Variants in DYNC2H1 observed in about 807,000 individuals in gnomAD.
DYNC2H1 encodes the protein dynein cytoplasmic 2 heavy chain 1, also known as cytoplasmic dynein 2 heavy chain 1.
A neutral mutation model predicts 570.0 loss-of-function variants in DYNC2H1; 410 were observed. That is an observed-to-expected ratio of 0.72 (90% CI 0.66 to 0.78). DYNC2H1 has a LOEUF of 0.78. Ranked by LOEUF, DYNC2H1 falls within the 30% of genes least tolerant of loss-of-function variation. DYNC2H1 has a pLI of 0.00. For synonymous variants in DYNC2H1, 1,688 were observed against 1,677.6 expected (o/e 1.01, Z -0.15); for missense variants, 4,865 against 5,046.4 (o/e 0.96, Z 1.09).
chr11:103,303,398 A>T, intron 76 of DYNC2H1, 145 bp downstream of exon 76: 1 of 823,116 alleles, frequency 1.2e-6, no homozygotes, highest in Non-Finnish European at 1.7e-6. Context: ...AACTGTGGAT[A>T]TGTTATTTTC....
At chr11:103,220,507 GA>G (rs1863545371) in intron 56 of DYNC2H1, 115 bp from the exon 57 acceptor site, 20 of 986,254 alleles carry the variant, frequency 2.0e-5, no homozygotes, top group Non-Finnish European at 2.7e-5. Context: ...TTAAGAGAGA[GA>G]ACATTAGTAA....
chr11:103,413,200 C>T (rs1257061201), intron 84 of DYNC2H1, among the ~76,000 whole-genome samples: 3 of 152,220 alleles, frequency 2.0e-5, no homozygotes, highest in African/African-American at 7.2e-5. Context: ...TGACTACATC[C>T]ACCATGGATC....
Position 103,120,433 on chromosome 11 carries a change from A to C in DYNC2H1, c.1000-14A>C. The stretch of plus-strand genomic sequence containing the variant: ...GATTTAAATAAATTCTGTTGTTTTA[A>C]TACTTCATTTTAGGTCTTGGCTATT... On this transcript the variant is annotated splice_polypyrimidine_tract_variant and intron_variant, in intron 6 of 88. Transcript: ENST00000375735. 2 of 1,594,850 alleles carry C rather than the reference A, an allele frequency of 1.3e-6. No homozygotes were observed. The highest frequency in any genetic ancestry group is 1.7e-6 in the Non-Finnish European group (2 of 1,169,186).
chr11:103,136,688 G>A (rs1565330378), intron 17 of DYNC2H1, among the ~76,000 whole-genome samples: 1 of 152,172 alleles, frequency 6.6e-6, no homozygotes, highest in South Asian at 2.1e-4. Context: ...ATAAACATAC[G>A]TGTGCATGTG....
At chr11:103,400,188 C>T (rs982227839) in intron 84 of DYNC2H1, among the ~76,000 whole-genome samples, 2 of 152,052 alleles carry the variant, frequency 1.3e-5, no homozygotes, top group African/African-American at 4.8e-5. Context: ...TTTTATATTC[C>T]AAGCTCCAAG....
intron 85 of DYNC2H1, among the ~76,000 whole-genome samples, chr11:103,448,161 G>T (rs1426961474): frequency 6.6e-6 from 1 of 152,102 alleles, no homozygotes; most frequent in Non-Finnish European, 1.5e-5. Context: ...GAAAAATTAG[G>T]ATATTACGTT....
rs1860664996 is a variant in DYNC2H1 at position 103,153,441 on chromosome 11, A to G, written c.3235A>G (p.Ser1079Gly). The G allele has an allele frequency of 1.3e-6, 2 of 1,569,690 alleles. No individual in the cohort carries two copies. The highest frequency in any genetic ancestry group is 1.7e-6 in the Non-Finnish European group (2 of 1,157,494). Residue 1079 changes from serine to glycine, a missense_variant, in exon 22 of 89, where the codon AGT becomes GGT. Transcript: ENST00000375735. ...TGGCCAACATAATACTCTTGATAAA[A>G]GTGCAAAGTTAATAAAAGAGAAAAA... ...ETGQHNTLDKSAKLIKEKKIE... is the reference protein window; with the variant it reads ...ETGQHNTLDKGAKLIKEKKIE...
Position 103,235,766 on chromosome 11 carries a change from T to C in DYNC2H1, c.9662T>C (p.Leu3221Pro). Reference protein sequence around the residue: ...ITYLSAAPESLRKTCLEEWTK... With the variant: ...ITYLSAAPESPRKTCLEEWTK... Reference sequence around the variant, plus strand: ...TATCTTTCTGCTGCTCCTGAATCTCTGAGAAAAACCTGTTTGGAAGAATGG... The same window carrying C: ...TATCTTTCTGCTGCTCCTGAATCTCCGAGAAAAACCTGTTTGGAAGAATGG... The change falls in exon 62 of 89, where the codon CTG (leucine) becomes CCG (proline). Residue 3221 changes from leucine to proline, a missense_variant. Physicochemically the swap from Leu to Pro is moderately conservative, Grantham distance 98 (BLOSUM62 -3). Transcript: ENST00000375735. The C allele has an allele frequency of 1.2e-6, 2 of 1,611,578 alleles. No individual in the cohort carries two copies. Among genetic ancestry groups the C allele is most frequent in the South Asian group, 2.2e-5 (2 of 90,970 alleles).
chr11:103,214,538 G>A (rs1410639900), intron 54 of DYNC2H1, among the ~76,000 whole-genome samples: 15 of 147,238 alleles, frequency 1.0e-4, no homozygotes, highest in Admixed American at 7.0e-5. Flanking sequence ...TCCAACTCCT[G>A]GGTTCAAGAG....
chr11:103,149,421 G>T (rs756600035), intron 20 of DYNC2H1, among the ~76,000 whole-genome samples: 32 of 152,148 alleles, frequency 2.1e-4, no homozygotes, highest in Non-Finnish European at 4.6e-4. Flanking sequence ...GTTATGTTTG[G>T]AGCAAGAAGG....
chr11:103,137,858 A>T (rs1465780829), intron 17 of DYNC2H1, among the ~76,000 whole-genome samples: 1 of 151,238 alleles, frequency 6.6e-6, no homozygotes, highest in Non-Finnish European at 1.5e-5. Flanking sequence ...CCTACCCATG[A>T]GCATGGAATG....
intron 70 of DYNC2H1, among the ~76,000 whole-genome samples, chr11:103,279,974 C>A (rs1227073822): frequency 6.6e-6 from 1 of 152,072 alleles, no homozygotes; most frequent in South Asian, 2.1e-4. Flanking sequence ...TATGTTTAAA[C>A]CTACACAGTG....
rs113623437 is a variant in DYNC2H1 at position 103,142,992 on chromosome 11, C to G, written c.2575-276C>G. Among the ~76,000 whole-genome samples, 1,075 of 152,220 alleles carry G rather than the reference C, an allele frequency of 7.1e-3. 9 individuals carry two copies. Among genetic ancestry groups the G allele is most frequent in the African/African-American group, 0.024 (1,014 of 41,552 alleles). On this transcript the variant is annotated intron_variant, in intron 17 of 88. Coordinates refer to ENST00000375735, the MANE Select transcript of DYNC2H1 (RefSeq NM_001377.3). ...CTTGATTTTGCAGAAATGATTCCAC[C>G]TTTGAAGTTTTGTATTATTTAATTT...
At chr11:103,284,362 A>C (rs908269427) in intron 73 of DYNC2H1, among the ~76,000 whole-genome samples, 6 of 152,174 alleles carry the variant, frequency 3.9e-5, no homozygotes, top group African/African-American at 7.2e-5. Flanking sequence ...ATCTGTTTTT[A>C]ATGCTTTAAC....
At chr11:103,270,089 A>G (rs1414783023) in intron 70 of DYNC2H1, among the ~76,000 whole-genome samples, 1 of 151,788 alleles carries the variant, frequency 6.6e-6, no homozygotes, top group Non-Finnish European at 1.5e-5. Flanking sequence ...CCTACTCTGG[A>G]GACTGAGGCA....
chr11:103,232,721 A>G (rs942518889), intron 60 of DYNC2H1, among the ~76,000 whole-genome samples: 2 of 152,056 alleles, frequency 1.3e-5, no homozygotes, highest in African/African-American at 2.4e-5. Context: ...CATTTCTAAT[A>G]CAACTTATAC....
intron 70 of DYNC2H1, among the ~76,000 whole-genome samples, chr11:103,270,539 G>GT (rs1865666358): frequency 6.6e-6 from 1 of 151,778 alleles, no homozygotes; most frequent in African/African-American, 2.4e-5. Flanking sequence ...TAGAACAATT[G>GT]TAACAATATA....
chr11:103,333,663 A>G (rs1938951049), intron 82 of DYNC2H1, among the ~76,000 whole-genome samples: 3 of 152,150 alleles, frequency 2.0e-5, no homozygotes, highest in Admixed American at 2.0e-4. Flanking sequence ...GGTGCACATG[A>G]CTATTTTTTA....
At chr11:103,444,083 T>G (rs11225800) in intron 85 of DYNC2H1, among the ~76,000 whole-genome samples, 22,599 of 151,682 alleles carry the variant, frequency 0.15, 1,895 homozygotes, top group East Asian at 0.26. Context: ...TACATATATT[T>G]TTGTATTAGT....
Sources: allele counts gnomAD v4.1 joint callset (sites outside exome capture counted in the v4.1 genomes callset), GRCh38; gene constraint gnomAD v4.1.1; transcripts MANE v1.5; gene names NCBI Gene and HGNC (gene_info 2026-07-23, HGNC 2026-07-21).